TRIM72: variants seen among roughly 807,000 people sequenced by gnomAD.
TRIM72 encodes the protein tripartite motif containing 72, also known as tripartite motif-containing protein 72.
In TRIM72, 33 loss-of-function variants were observed where a neutral mutation model predicts 31.6. The ratio of observed to expected loss-of-function variants is 1.04; its 90% CI spans 0.79 to 1.40. The LOEUF (loss-of-function observed/expected upper bound fraction) is 1.40, where lower values mean the gene tolerates loss of function less well. Among genes scored for constraint, TRIM72 ranks in the 40% most tolerant of loss-of-function variants. The pLI is 0.00. For missense variants in TRIM72, 666 were observed against 682.7 expected (o/e 0.98, Z 0.27); for synonymous variants, 301 against 314.4 (o/e 0.96, Z 0.45).
chr16:31,214,706 C>G (rs757908439), intron 1 of TRIM72, 26 bp from the exon 2 acceptor site: 12 of 1,541,468 alleles, frequency 7.8e-6, no homozygotes, highest in Middle Eastern at 2.1e-4. Flanking sequence ...CGCGGGGTCC[C>G]CCTAACCTAC....
At chr16:31,218,213 G>A (rs962007593) in intron 2 of TRIM72, among the ~76,000 whole-genome samples, 8 of 152,140 alleles carry the variant, frequency 5.3e-5, no homozygotes, top group African/African-American at 1.9e-4. Context: ...CTGAGCAGAG[G>A]GGATCAGGGA....
In TRIM72 at chr16:31,222,821, C is replaced by A; in HGVS notation, c.741-6C>A. 1 of 1,333,056 alleles carries A rather than the reference C, an allele frequency of 7.5e-7. No homozygotes were observed. Among genetic ancestry groups the A allele is most frequent in the Non-Finnish European group, 1.0e-6 (1 of 979,546 alleles). 82.6% of individuals were successfully genotyped at this position (1,333,056 alleles called of 1,614,324 possible). On this transcript the variant is annotated splice_region_variant and splice_polypyrimidine_tract_variant and intron_variant, in intron 5 of 6. Transcript: ENST00000322122. ...ACATGCCTCCCCTTCCCCTCCCCAC[C>A]CCCAGGCTGCAGAAGATCCTGGCAG...
At chr16:31,218,310 T>A (rs2079519164) in intron 2 of TRIM72, among the ~76,000 whole-genome samples, 1 of 151,944 alleles carries the variant, frequency 6.6e-6, no homozygotes, top group Non-Finnish European at 1.5e-5. Flanking sequence ...GCTGGGAGGC[T>A]GAGGTGGGAG....
At position 31,229,841 on chromosome 16, in the gene TRIM72, A is replaced by G. The variant is rs908566084; in HGVS notation, c.*5086A>G. On this transcript the variant is annotated 3_prime_UTR_variant, in exon 7 of 7. Transcript: ENST00000322122. Reference sequence around the variant, plus strand: ...AGTGGCTCACGCCTGTAATCCCAGCACTTTTGGAGGTTGAGGCGGGTGAAT... The same window carrying G: ...AGTGGCTCACGCCTGTAATCCCAGCGCTTTTGGAGGTTGAGGCGGGTGAAT... 1 of 152,278 alleles carries G rather than the reference A, an allele frequency of 6.6e-6. No individual in the cohort carries two copies. The highest frequency in any genetic ancestry group is 1.5e-5 in the Non-Finnish European group (1 of 68,106). 9.4% of individuals were successfully genotyped at this position (152,278 alleles called of 1,614,324 possible).
chr16:31,221,867 C>A (rs979555300), intron 5 of TRIM72, among the ~76,000 whole-genome samples: 1 of 147,398 alleles, frequency 6.8e-6, no homozygotes, highest in Admixed American at 6.8e-5. Context: ...GGGAGAAGGG[C>A]ATTGCAGGGA....
chr16:31,222,485 T>TTTTTC (rs2144197279), intron 5 of TRIM72, among the ~76,000 whole-genome samples: 1 of 143,224 alleles, frequency 7.0e-6, no homozygotes, highest in East Asian at 2.0e-4. Context: ...TCTTCTTCTT[T>TTTTTC]TTTTTTTTTT....
At chr16:31,221,506 GGGGAGAAGGGCATTGCA>G (rs1567494831) in intron 5 of TRIM72, among the ~76,000 whole-genome samples, 4 of 143,498 alleles carry the variant, frequency 2.8e-5, no homozygotes, top group Non-Finnish European at 6.1e-5. Flanking sequence ...AGGGCATTAT[GGGGAGAAGGGCATTGCA>G]GGGAGAAGGG....
At chr16:31,218,998 G>T in intron 2 of TRIM72, 97 bp from the exon 3 acceptor site, 1 of 1,115,862 alleles carries the variant, frequency 9.0e-7, no homozygotes, top group Non-Finnish European at 1.3e-6. Context: ...AGGAGGAGCT[G>T]GCATTGAGGT....
rs1028723373 is a variant in TRIM72, at chr16:31,215,547, T to G, written c.390+419T>G. On this transcript the variant is annotated intron_variant, in intron 2 of 6. Coordinates refer to ENST00000322122, the MANE Select transcript of TRIM72 (RefSeq NM_001008274.4). The surrounding 1 kb of genome is among the most constrained non-coding windows in gnomAD (Gnocchi z 6.3). ...GCTCCCTGCTCGGCGCTGGCCCACTTTGGACTGGAGGCGCGGCGTTCGGGA... is the reference window on the plus strand; with the variant it reads ...GCTCCCTGCTCGGCGCTGGCCCACTGTGGACTGGAGGCGCGGCGTTCGGGA... Among the ~76,000 whole-genome samples, 3 of 151,892 alleles carry G rather than the reference T, an allele frequency of 2.0e-5. No individual in the cohort carries two copies. Among genetic ancestry groups the G allele is most frequent in the Non-Finnish European group, 2.9e-5 (2 of 67,938 alleles).
chr16:31,217,150 T>A, intron 2 of TRIM72: 2 of 1,051,648 alleles, frequency 1.9e-6, no homozygotes, highest in South Asian at 1.6e-5. Context: ...TGGCAGCTCC[T>A]ATTCAACCCT....
intron 2 of TRIM72, among the ~76,000 whole-genome samples, chr16:31,218,438 C>T (rs1242567266): frequency 2.0e-5 from 3 of 151,982 alleles, no homozygotes; most frequent in Non-Finnish European, 4.4e-5. Flanking sequence ...CCCAGCACTT[C>T]GGGAGGCTGA....
At position 31,228,138 on chromosome 16, in the gene TRIM72, C is replaced by A. The variant is rs569955521; in HGVS notation, c.*3383C>A. The A allele has an allele frequency of 6.6e-6, 1 of 151,958 alleles. No homozygotes were observed. Among genetic ancestry groups the A allele is most frequent in the Admixed American group, 6.6e-5 (1 of 15,218 alleles). 9.4% of individuals were successfully genotyped at this position (151,958 alleles called of 1,614,324 possible). On this transcript the variant is annotated 3_prime_UTR_variant, in exon 7 of 7. Transcript: ENST00000322122. ...CTGATTTTTGTATTTCTAGTGGGGA[C>A]AGGGGCTTCACTATGTTGGCCAGCC...
chr16:31,220,979 C>T, intron 5 of TRIM72, 61 bp downstream of exon 5: 3 of 1,601,942 alleles, frequency 1.9e-6, no homozygotes, highest in South Asian at 2.2e-5. Flanking sequence ...GGGACACCAG[C>T]CGGCTCACTC....
In TRIM72 at chr16:31,227,813, T is replaced by C. The variant is rs776969318; in HGVS notation, c.*3058T>C. On this transcript the variant is annotated 3_prime_UTR_variant, in exon 7 of 7. Coordinates refer to ENST00000322122, the MANE Select transcript of TRIM72 (RefSeq NM_001008274.4). Reference sequence around the variant, plus strand: ...CCTGACTATTTTTTATTTTTTGTATTTTGGTAGAGATGAGGTCTCACTATG... The same window carrying C: ...CCTGACTATTTTTTATTTTTTGTATCTTGGTAGAGATGAGGTCTCACTATG... 6.6e-6 allele frequency: 1 copy of C among 151,954 alleles called. No individual in the cohort carries two copies. Among genetic ancestry groups the C allele is most frequent in the Non-Finnish European group, 1.5e-5 (1 of 68,014 alleles). 9.4% of individuals were successfully genotyped at this position (151,954 alleles called of 1,614,324 possible).
rs2079557284 is a variant in TRIM72 at position 31,227,091 on chromosome 16, T to C, written c.*2336T>C. On this transcript the variant is annotated 3_prime_UTR_variant, in exon 7 of 7. Coordinates refer to ENST00000322122, the MANE Select transcript of TRIM72 (RefSeq NM_001008274.4). ...GTAGAAGCTCTTTCATGTTAGAAAATAAAACAATATAGCTAAGGGATTATT... is the reference window on the plus strand; with the variant it reads ...GTAGAAGCTCTTTCATGTTAGAAAACAAAACAATATAGCTAAGGGATTATT... The C allele has an allele frequency of 6.6e-6, 1 of 152,092 alleles. No individual in the cohort carries two copies. Among genetic ancestry groups the C allele is most frequent in the Admixed American group, 6.6e-5 (1 of 15,264 alleles). 9.4% of individuals were successfully genotyped at this position (152,092 alleles called of 1,614,324 possible). A position where few individuals can be genotyped will look rare whatever the true frequency, so the allele number is the denominator to read the frequency against.
In TRIM72 at chr16:31,225,062, C is replaced by T. The variant is rs1326195634; in HGVS notation, c.*307C>T. On this transcript the variant is annotated 3_prime_UTR_variant, in exon 7 of 7. Coordinates refer to ENST00000322122, the MANE Select transcript of TRIM72 (RefSeq NM_001008274.4). ...AAAATGAGCTGGGCGCGGTGGCATA[C>T]GCCTGTAATCCCAGCTAGTTGGGAG... The T allele has an allele frequency of 2.8e-5, 6 of 213,222 alleles. No homozygotes were observed. Among genetic ancestry groups the T allele is most frequent in the African/African-American group, 1.2e-4 (5 of 43,426 alleles). 13.2% of individuals were successfully genotyped at this position (213,222 alleles called of 1,614,324 possible).
chr16:31,216,863 G>A lies in TRIM72; in HGVS notation c.390+1735G>A. 1.9e-6 allele frequency: 3 copies of A among 1,613,896 alleles called. No homozygotes were observed. Among genetic ancestry groups the A allele is most frequent in the Non-Finnish European group, 2.5e-6 (3 of 1,179,978 alleles). On this transcript the variant is annotated intron_variant, in intron 2 of 6. Coordinates refer to ENST00000322122, the MANE Select transcript of TRIM72 (RefSeq NM_001008274.4). This position sits in a 1 kb window ranked among gnomAD's most constrained non-coding sequence, Gnocchi z 6.7. ...TAGTCCTCGTAGTAGGAGGCGACCA[G>A]CTTGTCGGTGAGGTCCACGATATCT... is the stretch of plus-strand genomic sequence containing the variant.
Position 31,228,324 on chromosome 16 carries a change from A to G in TRIM72, c.*3569A>G, listed in dbSNP as rs1163037266. On this transcript the variant is annotated 3_prime_UTR_variant, in exon 7 of 7. Transcript: ENST00000322122. Reference sequence around the variant, plus strand: ...CAAATATTGAAAGATAAAACCACATAACAAAAGCTCTTTGGGATCCTAGTG... The same window carrying G: ...CAAATATTGAAAGATAAAACCACATGACAAAAGCTCTTTGGGATCCTAGTG... 1 of 152,222 alleles carries G rather than the reference A, an allele frequency of 6.6e-6. No homozygotes were observed. Among genetic ancestry groups the G allele is most frequent in the African/African-American group, 2.4e-5 (1 of 41,442 alleles). The allele number at this position is 152,222 out of a possible 1,614,324, so 9.4% of individuals were successfully genotyped here.
In TRIM72 at chr16:31,216,725, G is replaced by A; in HGVS notation, c.390+1597G>A. 6.4e-7 allele frequency: 1 copy of A among 1,573,250 alleles called. No homozygotes were observed. Among genetic ancestry groups the A allele is most frequent in the East Asian group, 2.3e-5 (1 of 44,182 alleles). On this transcript the variant is annotated intron_variant, in intron 2 of 6. Transcript: ENST00000322122. The surrounding 1 kb of genome is among the most constrained non-coding windows in gnomAD (Gnocchi z 6.7). ...GGTCCTTGGCGAGGAAGCGGGGTTG[G>A]GTCCCGAGATCACGTACCAGCTCAG... is the stretch of plus-strand genomic sequence containing the variant.
Sources: gnomAD v4.1 joint callset for allele counts (sites outside exome capture counted in the v4.1 genomes callset) on GRCh38, gnomAD v4.1.1 for gene constraint, Gnocchi (gnomAD v3.1) non-coding constraint, MANE v1.5 for transcripts, NCBI Gene and HGNC (gene_info 2026-07-23, HGNC 2026-07-21) for gene names.